The following MCTP2 variants were observed in gnomAD, a reference collection of about 807,000 sequenced individuals.
The protein encoded by MCTP2 is multiple C2 and transmembrane domain-containing protein 2.
Under a neutral mutation model 111.6 loss-of-function variants are expected in MCTP2, and 132 were observed. The observed-to-expected ratio is 1.18, with a 90% CI of 1.03 to 1.37. MCTP2 has a LOEUF of 1.37. Ranked by LOEUF, MCTP2 falls within the 40% of genes most tolerant of loss-of-function variation. The pLI, the probability that MCTP2 is intolerant of heterozygous loss-of-function variation, is 0.00. For missense variants in MCTP2, 1,183 were observed against 1,067.9 expected, an observed-to-expected ratio of 1.11 and a Z score of -1.50; for synonymous variants, 395 against 387.7, an observed-to-expected ratio of 1.02 and a Z score of -0.22.
chr15:94,364,680 T>C (rs1160002980), intron 10 of MCTP2, among the ~76,000 whole-genome samples: 1 of 152,194 alleles, frequency 6.6e-6, no homozygotes, highest in East Asian at 1.9e-4. Context: ...ATGAATATTT[T>C]GGTTAACATT....
At chr15:94,280,170 C>T (rs2074406284) in intron 1 of MCTP2, among the ~76,000 whole-genome samples, 1 of 152,114 alleles carries the variant, frequency 6.6e-6, no homozygotes, top group Non-Finnish European at 1.5e-5. Context: ...GGATTGGTAC[C>T]AGCCCTTCCT....
chr15:94,399,099 T>A (rs1326700522), intron 15 of MCTP2, 37 bp downstream of exon 15: 4 of 1,062,804 alleles, frequency 3.8e-6, no homozygotes, highest in Non-Finnish European at 5.8e-6. Context: ...GGCTTTCCCG[T>A]ACCTAAAATA....
At chr15:94,311,030 T>A (rs1200626337) in intron 2 of MCTP2, among the ~76,000 whole-genome samples, 5 of 149,866 alleles carry the variant, frequency 3.3e-5, no homozygotes, top group Non-Finnish European at 7.4e-5. Flanking sequence ...TTTTTTTTTT[T>A]TTTTTTATTT....
intron 1 of MCTP2, among the ~76,000 whole-genome samples, chr15:94,251,252 G>A (rs2072398951): frequency 6.6e-6 from 1 of 152,112 alleles, no homozygotes; most frequent in Non-Finnish European, 1.5e-5. Context: ...CTTAAAATGT[G>A]TCAGTTTCTA....
At chr15:94,390,313 A>T (rs997750817) in intron 14 of MCTP2, among the ~76,000 whole-genome samples, 3 of 151,946 alleles carry the variant, frequency 2.0e-5, no homozygotes, top group Non-Finnish European at 4.4e-5. Context: ...TAATCTGAAG[A>T]CTTCTAATAT....
At chr15:94,336,426 A>C (rs1013922363) in intron 4 of MCTP2, among the ~76,000 whole-genome samples, 1 of 152,138 alleles carries the variant, frequency 6.6e-6, no homozygotes, top group Admixed American at 6.5e-5. Flanking sequence ...CCTTAGGTGA[A>C]GAAGAGCAGG....
At chr15:94,470,279 CTG>C in intron 20 of MCTP2, 52 bp from the exon 21 acceptor site, 3 of 1,220,458 alleles carry the variant, frequency 2.5e-6, no homozygotes, top group Non-Finnish European at 3.6e-6. Flanking sequence ...CAAGTTGACT[CTG>C]TGGCAGTTGT....
At chr15:94,263,240 G>A (rs1038763394) in intron 1 of MCTP2, among the ~76,000 whole-genome samples, 1 of 152,162 alleles carries the variant, frequency 6.6e-6, no homozygotes, top group Non-Finnish European at 1.5e-5. Flanking sequence ...AATAGTGAAT[G>A]GGCATTGTGT....
chr15:94,426,685 T>G (rs930219330), intron 17 of MCTP2, among the ~76,000 whole-genome samples: 1 of 152,164 alleles, frequency 6.6e-6, no homozygotes, highest in Non-Finnish European at 1.5e-5. Context: ...TTTCTTTTGA[T>G]TTTTGGTCAT....
intron 17 of MCTP2, among the ~76,000 whole-genome samples, chr15:94,434,379 A>T (rs76505458): frequency 2.0e-5 from 3 of 148,442 alleles, no homozygotes; most frequent in South Asian, 2.1e-4. Context: ...CTCCCAGCCT[A>T]TTTTTTTTTT....
At chr15:94,437,516 T>G (rs566427234) in intron 17 of MCTP2, among the ~76,000 whole-genome samples, 1 of 152,172 alleles carries the variant, frequency 6.6e-6, no homozygotes, top group South Asian at 2.1e-4. Flanking sequence ...TAAAAAGTTC[T>G]GAATATAGAG....
chr15:94,343,145 A>G (rs1362123790), intron 7 of MCTP2: 1 of 151,888 alleles, frequency 6.6e-6, no homozygotes, highest in Non-Finnish European at 1.5e-5. Flanking sequence ...ATATTTGATC[A>G]AAGAAAATTA....
rs149452873 is a variant in MCTP2, at chr15:94,393,105, T to C, written c.1789-5856T>C. On this transcript the variant is annotated intron_variant, in intron 14 of 22. Transcript: ENST00000357742. ...ATTATCTTTGAATAATAATATGTATTATCTATGAACATAAAGAAAATTCAT... is the reference window on the plus strand; with the variant it reads ...ATTATCTTTGAATAATAATATGTATCATCTATGAACATAAAGAAAATTCAT... Among the ~76,000 whole-genome samples, 7 of 152,310 alleles carry C rather than the reference T, an allele frequency of 4.6e-5. No homozygotes were observed. In the East Asian group the frequency reaches 1.2e-3, roughly 25 times the overall value.
At chr15:94,238,950 CCA>C (rs1158551649) in intron 1 of MCTP2, among the ~76,000 whole-genome samples, 1 of 151,216 alleles carries the variant, frequency 6.6e-6, no homozygotes, top group African/African-American at 2.4e-5. Flanking sequence ...ATCTGTGTGA[CCA>C]CGCCCATGTT....
At chr15:94,363,866 G>A (rs2079058001) in intron 10 of MCTP2, among the ~76,000 whole-genome samples, 1 of 152,028 alleles carries the variant, frequency 6.6e-6, no homozygotes, top group Admixed American at 6.6e-5. Context: ...GATGCCACCG[G>A]AACAGACCTA....
intron 10 of MCTP2, among the ~76,000 whole-genome samples, chr15:94,363,789 C>T (rs890528418): frequency 2.6e-5 from 4 of 152,050 alleles, no homozygotes; most frequent in Non-Finnish European, 5.9e-5. Flanking sequence ...CCTAAGGGCT[C>T]GGTGTGTTGC....
At chr15:94,312,923 G>T (rs181578477) in intron 2 of MCTP2, among the ~76,000 whole-genome samples, 1 of 152,072 alleles carries the variant, frequency 6.6e-6, no homozygotes, top group African/African-American at 2.4e-5. Flanking sequence ...TGTGTGTCTC[G>T]GAAGGTAGCC....
intron 19 of MCTP2, among the ~76,000 whole-genome samples, chr15:94,450,115 CAA>C (rs907897709): frequency 2.7e-5 from 4 of 150,824 alleles, no homozygotes; most frequent in African/African-American, 9.8e-5. Context: ...TTGCAGGCCA[CAA>C]AAAAAAGTGT....
intron 17 of MCTP2, 26 bp from the exon 18 acceptor site, chr15:94,440,150 T>C: frequency 6.2e-7 from 1 of 1,612,524 alleles, no homozygotes; most frequent in South Asian, 1.1e-5. Flanking sequence ...CAAGCAGTCG[T>C]GTATTCTTAT....
Sources: gnomAD v4.1 joint callset for allele counts (sites outside exome capture counted in the v4.1 genomes callset) on GRCh38, gnomAD v4.1.1 for gene constraint, MANE v1.5 for transcripts, NCBI Gene and HGNC (gene_info 2026-07-23, HGNC 2026-07-21) for gene names.